The following KYNU variants were observed in gnomAD, a reference collection of about 807,000 sequenced individuals.
KYNU encodes L-kynurenine hydrolase.
Under a neutral mutation model 59.2 loss-of-function variants are expected in KYNU, and 54 were observed. The observed-to-expected ratio is 0.91, with a 90% CI of 0.73 to 1.14. KYNU has a LOEUF of 1.14. KYNU is among the 50% of genes most tolerant of loss of function. The pLI is 0.00. For synonymous variants in KYNU, 177 were observed against 192.0 expected (o/e 0.92, Z 0.65); for missense variants, 567 against 554.4 (o/e 1.02, Z -0.23).
chr2:142,959,586 C>CAA (rs1451436427), intron 7 of KYNU, among the ~76,000 whole-genome samples: 3 of 118,966 alleles, frequency 2.5e-5, no homozygotes, highest in Non-Finnish European at 5.4e-5. Context: ...AGCTCCGTCT[C>CAA]AAAAAAAAAA....
chr2:142,962,623 T>C (rs13015113), intron 8 of KYNU, among the ~76,000 whole-genome samples: 1 of 152,158 alleles, frequency 6.6e-6, no homozygotes, highest in Non-Finnish European at 1.5e-5. Context: ...ACTTAAAAAA[T>C]ATAGTAAATG....
At chr2:142,981,131 G>A (rs922158044) in intron 8 of KYNU, among the ~76,000 whole-genome samples, 2 of 152,108 alleles carry the variant, frequency 1.3e-5, no homozygotes, top group Non-Finnish European at 2.9e-5. Flanking sequence ...TAGTGTAGAA[G>A]TCATACTTGA....
chr2:142,958,715 T>C (rs1684245741), intron 7 of KYNU, among the ~76,000 whole-genome samples: 1 of 152,224 alleles, frequency 6.6e-6, no homozygotes, highest in African/African-American at 2.4e-5. Flanking sequence ...CATGAGTTAC[T>C]CATAATCTTG....
chr2:142,966,332 G>A (rs986549108), intron 8 of KYNU, among the ~76,000 whole-genome samples: 7 of 152,130 alleles, frequency 4.6e-5, no homozygotes, highest in African/African-American at 1.7e-4. Context: ...TCATGGTTGT[G>A]TCCTTTGGCT....
chr2:142,930,100 C>T (rs147899911), intron 4 of KYNU, among the ~76,000 whole-genome samples: 23 of 151,904 alleles, frequency 1.5e-4, no homozygotes, highest in Non-Finnish European at 2.5e-4. Context: ...TTTGATGTTA[C>T]GCCAGAGTAA....
chr2:142,944,727 T>C (rs1340243683), intron 4 of KYNU, among the ~76,000 whole-genome samples: 2 of 152,206 alleles, frequency 1.3e-5, no homozygotes, highest in East Asian at 3.9e-4. Flanking sequence ...TAGGACAATA[T>C]TGGTTTCAGA....
At chr2:142,994,365 T>C (rs1685480648) in intron 10 of KYNU, among the ~76,000 whole-genome samples, 1 of 152,092 alleles carries the variant, frequency 6.6e-6, no homozygotes, top group South Asian at 2.1e-4. Flanking sequence ...CTAAACCACG[T>C]GATCCATATT....
intron 8 of KYNU, among the ~76,000 whole-genome samples, chr2:142,965,676 G>A (rs1486632844): frequency 6.6e-6 from 1 of 152,142 alleles, no homozygotes; most frequent in African/African-American, 2.4e-5. Flanking sequence ...AAAAAACCTA[G>A]CAGATTCCTG....
intron 10 of KYNU, among the ~76,000 whole-genome samples, chr2:143,012,255 G>A (rs2105204736): frequency 6.6e-6 from 1 of 152,144 alleles, no homozygotes; most frequent in Non-Finnish European, 1.5e-5. Context: ...GCCGAGGCGG[G>A]TGGATCACCT....
chr2:142,890,028 T>C (rs1681660433), intron 2 of KYNU, among the ~76,000 whole-genome samples: 1 of 151,984 alleles, frequency 6.6e-6, no homozygotes, highest in Non-Finnish European at 1.5e-5. Context: ...GTGCCTGAGA[T>C]GTTATCAGAG....
intron 4 of KYNU, among the ~76,000 whole-genome samples, chr2:142,942,834 G>T (rs1403581493): frequency 6.6e-6 from 1 of 152,150 alleles, no homozygotes; most frequent in Non-Finnish European, 1.5e-5. Context: ...TTCTTCCCTT[G>T]GGATGGGCTG....
intron 2 of KYNU, among the ~76,000 whole-genome samples, chr2:142,915,771 A>G (rs147336271): frequency 1.6e-3 from 242 of 152,328 alleles, no homozygotes; most frequent in African/African-American, 5.6e-3. Flanking sequence ...CTCGTAAACA[A>G]GTTTGAAGTC....
chr2:142,984,201 T>C (rs1685132417), intron 8 of KYNU, among the ~76,000 whole-genome samples: 2 of 151,996 alleles, frequency 1.3e-5, no homozygotes, highest in African/African-American at 4.8e-5. Flanking sequence ...ATTCAGAAAA[T>C]ATTGGTTCAT....
At chr2:142,974,950 T>C (rs1684842184) in intron 8 of KYNU, among the ~76,000 whole-genome samples, 1 of 152,168 alleles carries the variant, frequency 6.6e-6, no homozygotes, top group African/African-American at 2.4e-5. Flanking sequence ...TACTACACTT[T>C]TTTAAAATAT....
At chr2:143,006,274 C>G (rs378948) in intron 10 of KYNU, among the ~76,000 whole-genome samples, 1 of 151,572 alleles carries the variant, frequency 6.6e-6, no homozygotes. Flanking sequence ...GTTCCCTTTC[C>G]GAGTCAAAGA....
At chr2:142,903,234 G>A (rs1313306462) in intron 2 of KYNU, among the ~76,000 whole-genome samples, 1 of 152,092 alleles carries the variant, frequency 6.6e-6, no homozygotes, top group Non-Finnish European at 1.5e-5. Context: ...CTTTGGTAGG[G>A]AAAGGAGGTG....
intron 2 of KYNU, among the ~76,000 whole-genome samples, chr2:142,910,131 C>CT (rs368644903): frequency 0.021 from 2,241 of 105,338 alleles, 61 homozygotes; most frequent in Non-Finnish European, 0.03. Flanking sequence ...TGTTCTTTGC[C>CT]TTTTTTTTTT....
At chr2:142,939,698 G>A (rs537165753) in intron 4 of KYNU, among the ~76,000 whole-genome samples, 102 of 151,274 alleles carry the variant, frequency 6.7e-4, no homozygotes, top group African/African-American at 2.3e-3. Flanking sequence ...ACCGAGGAGT[G>A]ACTGAAAAAA....
intron 3 of KYNU, among the ~76,000 whole-genome samples, chr2:142,919,403 T>C (rs1434499348): frequency 6.6e-6 from 1 of 152,216 alleles, no homozygotes; most frequent in Non-Finnish European, 1.5e-5. Context: ...TTAGGCTAAA[T>C]TATCAACACT....
Sources: allele counts gnomAD v4.1 joint callset (sites outside exome capture counted in the v4.1 genomes callset), GRCh38; gene constraint gnomAD v4.1.1; transcripts MANE v1.5; gene names NCBI Gene and HGNC (gene_info 2026-07-23, HGNC 2026-07-21).